COG5: variants seen among roughly 807,000 people sequenced by gnomAD.
COG5 encodes the protein conserved oligomeric Golgi complex subunit 5.
Under a neutral mutation model 110.4 loss-of-function variants are expected in COG5, and 86 were observed. The observed-to-expected ratio is 0.78, with a 90% CI of 0.65 to 0.93. The LOEUF is 0.93. Among genes scored for constraint, COG5 ranks in the 40% least tolerant of loss-of-function variants. The probability of loss-of-function intolerance (pLI) is 0.00; values close to 1 mark genes in which losing one functional copy is unlikely to be tolerated. For missense variants in COG5, 1,077 were observed against 987.0 expected, an observed-to-expected ratio of 1.09 and a Z score of -1.22; for synonymous variants, 360 against 334.6, an observed-to-expected ratio of 1.08 and a Z score of -0.83.
At position 107,211,190 on chromosome 7, in the gene COG5, C is replaced by T. The variant is rs150808289; in HGVS notation, c.2204G>A (p.Ser735Asn). ...AATCACATCCCCCAATGCAGGACTA[C>T]TGGCTACATGTTCACTTGCCTGGAA... The part of the protein sequence containing the change: ...LLFQASEHVA[S>N]SPALGDVIPF... Residue 735 changes from serine to asparagine, a missense_variant, in exon 20 of 22, where the codon AGT becomes AAT. Transcript: ENST00000297135. 6.2e-7 allele frequency: 1 copy of T among 1,613,982 alleles called. No individual in the cohort carries two copies. The highest frequency in any genetic ancestry group is 8.5e-7 in the Non-Finnish European group (1 of 1,179,954).
At chr7:107,240,184 A>T (rs1415686639) in intron 17 of COG5, among the ~76,000 whole-genome samples, 1 of 152,216 alleles carries the variant, frequency 6.6e-6, no homozygotes, top group East Asian at 1.9e-4. Flanking sequence ...TCAAATACCA[A>T]GAAACCATGT....
intron 21 of COG5, among the ~76,000 whole-genome samples, chr7:107,204,216 A>G (rs1002166341): frequency 3.3e-5 from 5 of 152,206 alleles, no homozygotes; most frequent in African/African-American, 1.2e-4. Flanking sequence ...GTTTATGATT[A>G]TGATCTCATG....
chr7:107,403,365 C>T (rs1791578872), intron 7 of COG5, among the ~76,000 whole-genome samples: 2 of 151,710 alleles, frequency 1.3e-5, no homozygotes, highest in African/African-American at 2.4e-5. Context: ...GGCTCATGTT[C>T]CTAGTTCACA....
intron 6 of COG5, among the ~76,000 whole-genome samples, chr7:107,500,860 C>A (rs1190779312): frequency 6.7e-6 from 1 of 148,766 alleles, no homozygotes; most frequent in Non-Finnish European, 1.5e-5. Context: ...GATCATGCCT[C>A]CCTGCCCTGT....
chr7:107,295,910 C>A (rs1456654030), intron 12 of COG5, among the ~76,000 whole-genome samples: 1 of 152,156 alleles, frequency 6.6e-6, no homozygotes, highest in African/African-American at 2.4e-5. Context: ...TCTTGCTCAG[C>A]CTCCCAAGTA....
chr7:107,256,612 T>C (rs1171424133), intron 16 of COG5, 120 bp downstream of exon 16: 7 of 690,518 alleles, frequency 1.0e-5, no homozygotes, highest in African/African-American at 1.8e-5. Context: ...ATTATCAACA[T>C]GCTACTTTTG....
At chr7:107,290,727 C>T (rs1025413988) in intron 12 of COG5, among the ~76,000 whole-genome samples, 1 of 152,096 alleles carries the variant, frequency 6.6e-6, no homozygotes, top group Non-Finnish European at 1.5e-5. Context: ...AATCTGAGCC[C>T]ACTACCTTTT....
chr7:107,263,306 G>C (rs1157903677), intron 14 of COG5, among the ~76,000 whole-genome samples: 1 of 152,170 alleles, frequency 6.6e-6, no homozygotes, highest in Non-Finnish European at 1.5e-5. Flanking sequence ...AGTAGAAGAT[G>C]CTTATTACAT....
At chr7:107,500,729 T>C (rs796490730) in intron 6 of COG5, among the ~76,000 whole-genome samples, 12 of 152,296 alleles carry the variant, frequency 7.9e-5, no homozygotes, top group African/African-American at 2.9e-4. Context: ...TGGGATATGA[T>C]ATTAAAAGAT....
rs1035073240 is a variant in COG5, at chr7:107,384,623, A to G, written c.670-11863T>C. Among the ~76,000 whole-genome samples, 3 of 152,178 alleles carry G rather than the reference A, an allele frequency of 2.0e-5. No homozygotes were observed. The East Asian group carries it at 5.8e-4, about 29-fold the overall frequency. On this transcript the variant is annotated intron_variant, in intron 7 of 21. Transcript: ENST00000297135. ...CAAGGACCCCATCGTTAGCTGAACTAAGGAAAAGTCCTGCAACAATGTCAT... is the reference window on the plus strand; with the variant it reads ...CAAGGACCCCATCGTTAGCTGAACTGAGGAAAAGTCCTGCAACAATGTCAT...
intron 7 of COG5, among the ~76,000 whole-genome samples, chr7:107,388,777 G>A (rs547675085): frequency 9.9e-5 from 15 of 152,098 alleles, no homozygotes; most frequent in Non-Finnish European, 2.2e-4. Context: ...ACCCCCTTAG[G>A]TCCTCTTTGT....
chr7:107,503,479 A>G (rs1468915766), intron 6 of COG5, among the ~76,000 whole-genome samples: 1 of 151,974 alleles, frequency 6.6e-6, no homozygotes, highest in African/African-American at 2.4e-5. Flanking sequence ...TGCTTTGGTT[A>G]TTTGGGCTCT....
At chr7:107,557,792 T>C (rs1370906732) in intron 2 of COG5, among the ~76,000 whole-genome samples, 184 bp downstream of exon 2, 1 of 152,258 alleles carries the variant, frequency 6.6e-6, no homozygotes, top group African/African-American at 2.4e-5. Context: ...GGTGGTATAT[T>C]AGTTTTTCCA....
At chr7:107,529,757 T>TA (rs1381052312) in intron 5 of COG5, among the ~76,000 whole-genome samples, 1 of 152,194 alleles carries the variant, frequency 6.6e-6, no homozygotes, top group Non-Finnish European at 1.5e-5. Flanking sequence ...CCTTTTTAAA[T>TA]AAACTTCCAC....
chr7:107,479,708 A>G (rs753499521), intron 6 of COG5, among the ~76,000 whole-genome samples: 12 of 152,172 alleles, frequency 7.9e-5, no homozygotes, highest in Non-Finnish European at 1.3e-4. Flanking sequence ...AACAAAAAGA[A>G]TATCTGGCAA....
intron 5 of COG5, among the ~76,000 whole-genome samples, chr7:107,542,904 G>A (rs533191972): frequency 1.6e-4 from 24 of 151,622 alleles, no homozygotes; most frequent in African/African-American, 4.4e-4. Context: ...CCTGGGAGGC[G>A]GAGGCTGCAG....
chr7:107,443,270 T>C (rs899539940), intron 6 of COG5, among the ~76,000 whole-genome samples: 1 of 152,132 alleles, frequency 6.6e-6, no homozygotes, highest in Admixed American at 6.5e-5. Context: ...ATATATTATA[T>C]TATCCCATTT....
At chr7:107,212,187 G>C (rs1799231392) in intron 19 of COG5, among the ~76,000 whole-genome samples, 1 of 152,098 alleles carries the variant, frequency 6.6e-6, no homozygotes, top group African/African-American at 2.4e-5. Context: ...AGTAAAGATG[G>C]CTTTATATTA....
At chr7:107,334,173 G>A (rs1810504647) in intron 10 of COG5, among the ~76,000 whole-genome samples, 1 of 152,098 alleles carries the variant, frequency 6.6e-6, no homozygotes, top group Non-Finnish European at 1.5e-5. Flanking sequence ...CAGAGAAACG[G>A]ATTAAGAAAA....
Sources: allele counts gnomAD v4.1 joint callset (sites outside exome capture counted in the v4.1 genomes callset), GRCh38; gene constraint gnomAD v4.1.1; transcripts MANE v1.5; gene names NCBI Gene and HGNC (gene_info 2026-07-23, HGNC 2026-07-21).